Variants in WNT4 observed in about 807,000 individuals in gnomAD.
WNT4 encodes protein Wnt-4.
In WNT4, 16 loss-of-function variants were observed where a neutral mutation model predicts 34.5. The observed-to-expected ratio is 0.46, with a 90% confidence interval of 0.31 to 0.70. WNT4 has a LOEUF of 0.70. WNT4 is among the 30% of genes least tolerant of loss of function. The pLI, the probability that WNT4 is intolerant of heterozygous loss-of-function variation, is 0.04. For synonymous variants in WNT4, 200 were observed against 211.9 expected (o/e 0.94, Z 0.49); for missense variants, 379 against 495.9 (o/e 0.76, Z 2.24).
intron 2 of WNT4, among the ~76,000 whole-genome samples, chr1:22,122,491 G>T (rs1459268570): frequency 1.3e-5 from 2 of 152,166 alleles, no homozygotes; most frequent in South Asian, 2.1e-4. Context: ...TGCCTCGGGG[G>T]TGTAGCTGTT....
At position 22,142,326 on chromosome 1, in the gene WNT4, C is replaced by T. The variant is rs1646075641; in HGVS notation, c.77+520G>A. 6.6e-6 allele frequency among the ~76,000 whole-genome samples: 1 copy of T among 152,074 alleles called. No individual in the cohort carries two copies. Among genetic ancestry groups the T allele is most frequent in the African/African-American group, 2.4e-5 (1 of 41,410 alleles). On this transcript the variant is annotated intron_variant, in intron 1 of 4. Coordinates refer to ENST00000290167, the MANE Select transcript of WNT4 (RefSeq NM_030761.5). The surrounding 1 kb of genome is among the most constrained non-coding windows in gnomAD (Gnocchi z 6.0). ...GCGTCCTGGTCCCTTCCTTCTGTCT[C>T]CGGCTCCCGCCCCCCAAGCAGAAAC...
rs1250031357 is a variant in WNT4, at chr1:22,117,917, T to A, written c.*2133A>T. The A allele has an allele frequency of 2.0e-5, 3 of 152,068 alleles. No individual in the cohort carries two copies. Among genetic ancestry groups the A allele is most frequent in the African/African-American group, 7.3e-5 (3 of 41,378 alleles). 9.4% of individuals were successfully genotyped at this position (152,068 alleles called of 1,614,324 possible). The stretch of plus-strand genomic sequence containing the variant: ...TAGCCTCTGCTAGTGAGGCATAGTA[T>A]TTTTTTTGGGCTTAGTAGACAGCTG... On this transcript the variant is annotated 3_prime_UTR_variant, in exon 5 of 5. Transcript: ENST00000290167.
At position 22,119,216 on chromosome 1, in the gene WNT4, G is replaced by GTA. The variant is rs1397107835; in HGVS notation, c.*833_*834insTA. ...TGTGTGTGTGTGTGTGTGTGTGTGTGTGTGTGTGTGTGTTTCAGTTTCATG... is the reference window on the plus strand; with the variant it reads ...TGTGTGTGTGTGTGTGTGTGTGTGTGTATGTGTGTGTGTGTTTCAGTTTCATG... On this transcript the variant is annotated 3_prime_UTR_variant, in exon 5 of 5. Coordinates refer to ENST00000290167, the MANE Select transcript of WNT4 (RefSeq NM_030761.5). 1 of 137,890 alleles carries GTA rather than the reference G, an allele frequency of 7.3e-6. No individual in the cohort carries two copies. The highest frequency in any genetic ancestry group is 1.5e-5 in the Non-Finnish European group (1 of 66,868). The allele number at this position is 137,890 out of a possible 1,614,324, so 8.5% of individuals were successfully genotyped here.
rs1646034689 is a variant in WNT4 at position 22,137,849 on chromosome 1, C to T, written c.77+4997G>A. On this transcript the variant is annotated intron_variant, in intron 1 of 4. Transcript: ENST00000290167. The surrounding 1 kb of genome is among the most constrained non-coding windows in gnomAD (Gnocchi z 5.3). The stretch of plus-strand genomic sequence containing the variant: ...GGGGCAACAGACACACTTCCTGCCA[C>T]CCACCTCTGTGCCTTTTAGTATCAC... Among the ~76,000 whole-genome samples the T allele has an allele frequency of 6.6e-6, 1 of 152,216 alleles. No homozygotes were observed. The highest frequency in any genetic ancestry group is 3.2e-3 in the Middle Eastern group (1 of 316).
chr1:22,129,011 C>T (rs903693670), intron 2 of WNT4, among the ~76,000 whole-genome samples: 1 of 152,246 alleles, frequency 6.6e-6, no homozygotes, highest in African/African-American at 2.4e-5. Context: ...TGAGCTGCCG[C>T]GCCCAGCTGG....
At position 22,142,965 on chromosome 1, in the gene WNT4, G is replaced by T; in HGVS notation, c.-43C>A. On this transcript the variant is annotated 5_prime_UTR_variant, in exon 1 of 5. Coordinates refer to ENST00000290167, the MANE Select transcript of WNT4 (RefSeq NM_030761.5). The surrounding 1 kb of genome is among the most constrained non-coding windows in gnomAD (Gnocchi z 6.0). The stretch of plus-strand genomic sequence containing the variant: ...CCGGCCCGGGGCAGCGGCTGCGGCC[G>T]CGGGGGGCCTCCCGTCGGGGCTGCA... The T allele has an allele frequency of 9.9e-7, 1 of 1,005,564 alleles. No individual in the cohort carries two copies. The highest frequency in any genetic ancestry group is 1.2e-6 in the Non-Finnish European group (1 of 844,764). 62.3% of individuals were successfully genotyped at this position (1,005,564 alleles called of 1,614,324 possible).
rs974049985 is a variant in WNT4 at position 22,137,662 on chromosome 1, G to C, written c.77+5184C>G. On this transcript the variant is annotated intron_variant, in intron 1 of 4. Transcript: ENST00000290167. This position sits in a 1 kb window ranked among gnomAD's most constrained non-coding sequence, Gnocchi z 5.3. ...AATTGCTAATCCAGGGCTGAGGGAAGAAAGTCAAACCATAGCAGACAGCTG... is the reference window on the plus strand; with the variant it reads ...AATTGCTAATCCAGGGCTGAGGGAACAAAGTCAAACCATAGCAGACAGCTG... Among the ~76,000 whole-genome samples the C allele has an allele frequency of 6.6e-6, 1 of 152,262 alleles. No individual in the cohort carries two copies. The highest frequency in any genetic ancestry group is 2.4e-5 in the African/African-American group (1 of 41,480).
intron 1 of WNT4, among the ~76,000 whole-genome samples, chr1:22,135,838 G>A (rs536409903): frequency 2.0e-5 from 3 of 152,102 alleles, no homozygotes; most frequent in Non-Finnish European, 2.9e-5. Flanking sequence ...GAGAGAGAAC[G>A]GCCTCCCCTG....
At chr1:22,126,016 G>A (rs554459888) in intron 2 of WNT4, among the ~76,000 whole-genome samples, 2 of 152,160 alleles carry the variant, frequency 1.3e-5, no homozygotes, top group Non-Finnish European at 2.9e-5. Flanking sequence ...TAGGGCTTGG[G>A]ATTAAGTAGT....
At chr1:22,120,581 C>T (rs1216826439) in intron 4 of WNT4, 64 bp from the exon 5 acceptor site, 27 of 1,511,840 alleles carry the variant, frequency 1.8e-5, no homozygotes, top group East Asian at 1.7e-4. Context: ...GGGAGGGCCG[C>T]GGAGGCTGAC....
chr1:22,133,791 G>A (rs1025478491), intron 1 of WNT4, among the ~76,000 whole-genome samples: 3 of 152,208 alleles, frequency 2.0e-5, no homozygotes, highest in South Asian at 2.1e-4. Flanking sequence ...GGGGGCTGCA[G>A]GTCCTGCAGG....
intron 2 of WNT4, among the ~76,000 whole-genome samples, chr1:22,123,021 G>A (rs770635448): frequency 1.3e-5 from 2 of 152,222 alleles, no homozygotes; most frequent in South Asian, 2.1e-4. Flanking sequence ...AGTCTTCTCC[G>A]AGTTAATCGA....
intron 1 of WNT4, among the ~76,000 whole-genome samples, chr1:22,133,281 C>T (rs1229245835): frequency 6.6e-6 from 1 of 152,114 alleles, no homozygotes; most frequent in Non-Finnish European, 1.5e-5. Context: ...CTCTGCTTCC[C>T]TCCTGGCAGA....
In WNT4 at chr1:22,121,312, C is replaced by T; in HGVS notation, c.487G>A (p.Val163Met). The T allele has an allele frequency of 3.1e-6, 5 of 1,614,180 alleles. No homozygotes were observed. The highest frequency in any genetic ancestry group is 3.4e-6 in the Non-Finnish European group (4 of 1,180,026). The change falls in exon 4 of 5, where the codon GTG becomes ATG. Residue 163 changes from valine (V) to methionine (M), a missense_variant. Physicochemically the swap from Val to Met is conservative, Grantham distance 21. Coordinates refer to ENST00000290167, the MANE Select transcript of WNT4 (RefSeq NM_030761.5). ...TCCACAAACGACTGTGAGAAGGCCACACCGTAGGCGATGTTGTCAGAGCAT... is the reference window on the plus strand; with the variant it reads ...TCCACAAACGACTGTGAGAAGGCCATACCGTAGGCGATGTTGTCAGAGCAT... ...SGCSDNIAYG[V>M]AFSQSFVDVR...
rs2124099933 is a variant in WNT4, at chr1:22,121,238, G to T, written c.561C>A (p.Asn187Lys). ...TCCTGCCGGCCTCATTGTTGTGGAG[G>T]TTCATGAGGGCTCTGCTGGACGAGG... ...KGASSSRALM[N>K]LHNNEAGRKA... is the part of the protein sequence containing the mutation. The change falls in exon 4 of 5, where the codon AAC becomes AAA. Residue 187 changes from asparagine to lysine, a missense_variant. By Grantham distance (94) the Asn-to-Lys change is moderately conservative. Coordinates refer to ENST00000290167, the MANE Select transcript of WNT4 (RefSeq NM_030761.5). 6.2e-7 allele frequency: 1 copy of T among 1,613,994 alleles called. No individual in the cohort carries two copies. Among genetic ancestry groups the T allele is most frequent in the Non-Finnish European group, 8.5e-7 (1 of 1,179,974 alleles).
In WNT4 at chr1:22,143,012, CGGGG is replaced by C; in HGVS notation, c.-94_-91del. The C allele has an allele frequency of 1.9e-6, 1 of 513,164 alleles. No homozygotes were observed. Among genetic ancestry groups the C allele is most frequent in the Non-Finnish European group, 2.5e-6 (1 of 402,990 alleles). 31.8% of individuals were successfully genotyped at this position (513,164 alleles called of 1,614,324 possible). On this transcript the variant is annotated 5_prime_UTR_variant, in exon 1 of 5. Transcript: ENST00000290167. ...TGCAGGTGGGCGCCCGCGGGCGGGCCGGGGCGCGCGCGGCGGGGCTCTGCCTCCG... is the reference window on the plus strand; with the variant it reads ...TGCAGGTGGGCGCCCGCGGGCGGGCCCGCGCGCGGCGGGGCTCTGCCTCCG...
intron 1 of WNT4, among the ~76,000 whole-genome samples, chr1:22,135,611 C>G (rs1337793066): frequency 2.0e-5 from 3 of 152,140 alleles, no homozygotes; most frequent in African/African-American, 7.2e-5. Context: ...ACGGGACTGC[C>G]TGGACAGTAT....
rs932395606 is a variant in WNT4, at chr1:22,119,984, G to A, written c.*66C>T. 1.3e-6 allele frequency: 2 copies of A among 1,561,530 alleles called. No homozygotes were observed. Among genetic ancestry groups the A allele is most frequent in the African/African-American group, 2.7e-5 (2 of 74,020 alleles). On this transcript the variant is annotated 3_prime_UTR_variant, in exon 5 of 5. Transcript: ENST00000290167. ...GTATCTCTTGGGGTAGGTGGTGGGA[G>A]ACTGTTTAAATTATCGGCCTTCCCT...
At position 22,134,390 on chromosome 1, in the gene WNT4, C is replaced by T. The variant is rs899723371; in HGVS notation, c.78-4539G>A. On this transcript the variant is annotated intron_variant, in intron 1 of 4. Coordinates refer to ENST00000290167, the MANE Select transcript of WNT4 (RefSeq NM_030761.5). The surrounding 1 kb of genome is among the most constrained non-coding windows in gnomAD (Gnocchi z 4.1). Reference sequence around the variant, plus strand: ...CTTAGGGGGATGGTACCTGGTTTCCCAAGATCCTAACCATACCCCCCACTC... The same window carrying T: ...CTTAGGGGGATGGTACCTGGTTTCCTAAGATCCTAACCATACCCCCCACTC... Among the ~76,000 whole-genome samples, 5 of 152,178 alleles carry T rather than the reference C, an allele frequency of 3.3e-5. No individual in the cohort carries two copies. The highest frequency in any genetic ancestry group is 1.2e-4 in the African/African-American group (5 of 41,438).
Sources: allele counts gnomAD v4.1 joint callset (sites outside exome capture counted in the v4.1 genomes callset), GRCh38; gene constraint gnomAD v4.1.1; non-coding constraint Gnocchi (gnomAD v3.1); transcripts MANE v1.5; gene names NCBI Gene and HGNC (gene_info 2026-07-23, HGNC 2026-07-21).